Variants in PACRG observed in about 807,000 individuals in gnomAD.
PACRG encodes the protein parkin coregulated.
A neutral mutation model predicts 29.7 loss-of-function variants in PACRG; 29 were observed. That is an observed-to-expected ratio of 0.98 (90% CI 0.73 to 1.33). The LOEUF (loss-of-function observed/expected upper bound fraction) is 1.33. Ranked by LOEUF, PACRG falls within the 40% of genes most tolerant of loss-of-function variation. The pLI is 0.00. For synonymous variants in PACRG, 116 were observed against 118.7 expected (o/e 0.98, Z 0.15); for missense variants, 279 against 316.2 (o/e 0.88, Z 0.89).
At chr6:163,305,238 T>C (rs1273564608) in intron 4 of PACRG, among the ~76,000 whole-genome samples, 1 of 152,266 alleles carries the variant, frequency 6.6e-6, no homozygotes, top group Non-Finnish European at 1.5e-5. Context: ...ACTCTCCTAC[T>C]CTTCGTAGAG....
At position 163,269,885 on chromosome 6, in the gene PACRG, GAAAGAAAACAA is replaced by G. The variant is rs1562349599; in HGVS notation, c.614-44940_614-44930del. Among the ~76,000 whole-genome samples, 7 of 39,984 alleles carry G rather than the reference GAAAGAAAACAA, an allele frequency of 1.8e-4. 2 individuals carry two copies. Among genetic ancestry groups the G allele is most frequent in the East Asian group, 1.2e-3 (2 of 1,686 alleles). 26.2% of individuals were successfully genotyped at this position (39,984 alleles called of 152,430 possible). ...AAAGAAAGAGAAAGAAAGAAAGAAA[GAAAGAAAACAA>G]AGAAAGAAAGAAAGAAAGAAAGAAA... On this transcript the variant is annotated intron_variant, in intron 4 of 4. Transcript: ENST00000366888.
chr6:163,135,282 C>T (rs1339904582), intron 4 of PACRG, among the ~76,000 whole-genome samples: 1 of 151,640 alleles, frequency 6.6e-6, no homozygotes, highest in Non-Finnish European at 1.5e-5. Flanking sequence ...TCCACCTCCT[C>T]GGTTCAAGCG....
intron 2 of PACRG, among the ~76,000 whole-genome samples, chr6:162,862,184 G>T (rs2128442507): frequency 6.6e-6 from 1 of 152,302 alleles, no homozygotes; most frequent in Non-Finnish European, 1.5e-5. Context: ...GATTTAGAAG[G>T]CAGGATTCAG....
At chr6:163,191,967 G>GTTTAAAAAATA in intron 4 of PACRG, 1 of 321,710 alleles carries the variant, frequency 3.1e-6, no homozygotes, top group Admixed American at 4.1e-5. Context: ...GCTATCTACG[G>GTTTAAAAAATA]GGAAGCACCG....
chr6:162,829,145 G>T (rs2128389623), intron 2 of PACRG, among the ~76,000 whole-genome samples: 1 of 152,274 alleles, frequency 6.6e-6, no homozygotes, highest in African/African-American at 2.4e-5. Flanking sequence ...ATCGTTACTA[G>T]TGAGCAGATT....
intron 2 of PACRG, among the ~76,000 whole-genome samples, chr6:162,953,059 G>T (rs974740040): frequency 6.6e-6 from 1 of 152,028 alleles, no homozygotes; most frequent in Non-Finnish European, 1.5e-5. Flanking sequence ...CTATTATTTA[G>T]CTATTTTTTA....
chr6:162,907,692 A>G (rs1003520479), intron 2 of PACRG, among the ~76,000 whole-genome samples: 1 of 152,108 alleles, frequency 6.6e-6, no homozygotes, highest in Non-Finnish European at 1.5e-5. Flanking sequence ...AAAGAGCTAC[A>G]TTATTTTATA....
intron 4 of PACRG, among the ~76,000 whole-genome samples, chr6:163,108,616 T>C (rs1268578584): frequency 1.3e-5 from 2 of 151,966 alleles, no homozygotes; most frequent in African/African-American, 4.8e-5. Flanking sequence ...CTCGAACTCC[T>C]GGCCTCAAGT....
chr6:162,780,159 G>C lies in PACRG; in HGVS notation c.157-33988G>C, dbSNP rs558611648. Among the ~76,000 whole-genome samples the C allele has an allele frequency of 7.9e-5, 12 of 152,278 alleles. No homozygotes were observed. In the South Asian group the frequency reaches 2.5e-3, roughly 32 times the overall value. Reference sequence around the variant, plus strand: ...CCTAAAATAGTAAGGTGGAACAGGGGTCAAGGCTCAACAAAGTAAGAAATA... The same window carrying C: ...CCTAAAATAGTAAGGTGGAACAGGGCTCAAGGCTCAACAAAGTAAGAAATA... On this transcript the variant is annotated intron_variant, in intron 1 of 4. Coordinates refer to ENST00000366888, the MANE Select transcript of PACRG (RefSeq NM_001080379.2).
At position 163,239,776 on chromosome 6, in the gene PACRG, C is replaced by A. The variant is rs533111652; in HGVS notation, c.614-75051C>A. Among the ~76,000 whole-genome samples, 447 of 145,052 alleles carry A rather than the reference C, an allele frequency of 3.1e-3. 1 individual carries two copies. The highest frequency in any genetic ancestry group is 0.01 in the African/African-American group (411 of 39,156). ...TGCACACACACTCACACCTCCACCC[C>A]CACACACACACACACTCACACATTC... On this transcript the variant is annotated intron_variant, in intron 4 of 4. Transcript: ENST00000366888.
chr6:163,222,822 G>A (rs1000457286), intron 4 of PACRG, among the ~76,000 whole-genome samples: 2 of 152,226 alleles, frequency 1.3e-5, no homozygotes, highest in African/African-American at 4.8e-5. Context: ...AAATTACTGG[G>A]TCCAAACTGC....
intron 4 of PACRG, among the ~76,000 whole-genome samples, chr6:163,109,316 C>T (rs995931493): frequency 4.6e-5 from 7 of 152,194 alleles, no homozygotes. Flanking sequence ...TTGCCAGCTG[C>T]CCCTACTATG....
intron 2 of PACRG, among the ~76,000 whole-genome samples, chr6:162,830,538 C>T (rs374174463): frequency 2.0e-5 from 3 of 152,362 alleles, no homozygotes; most frequent in South Asian, 2.1e-4. Context: ...TCCCCAGGGA[C>T]ACAGTGATGT....
At chr6:163,010,167 G>C (rs1339239342) in intron 2 of PACRG, among the ~76,000 whole-genome samples, 1 of 152,190 alleles carries the variant, frequency 6.6e-6, no homozygotes, top group Non-Finnish European at 1.5e-5. Context: ...CGACTGTAAA[G>C]TGATCCACTA....
chr6:163,147,408 G>A (rs944657405), intron 4 of PACRG, among the ~76,000 whole-genome samples: 1 of 152,004 alleles, frequency 6.6e-6, no homozygotes, highest in Non-Finnish European at 1.5e-5. Context: ...ATATAAGCAG[G>A]GTTGCCATGC....
intron 4 of PACRG, among the ~76,000 whole-genome samples, chr6:163,235,367 A>T (rs962699296): frequency 1.4e-4 from 22 of 152,198 alleles, no homozygotes; most frequent in African/African-American, 5.1e-4. Flanking sequence ...TAATTTCTCA[A>T]TTTCCCCATT....
In PACRG at chr6:163,269,834, A is replaced by G. The variant is rs376204173; in HGVS notation, c.614-44993A>G. Among the ~76,000 whole-genome samples, 64 of 47,906 alleles carry G rather than the reference A, an allele frequency of 1.3e-3. 2 individuals carry two copies. The highest frequency in any genetic ancestry group is 4.9e-3 in the African/African-American group (48 of 9,758). The allele number at this position is 47,906 out of a possible 152,430, so 31.4% of individuals were successfully genotyped here. ...GAAGGAAGGAAGGAGAAAGAAAGAAAGAAAAAGAAAGAAAGAAAGAAAGAG... is the reference window on the plus strand; with the variant it reads ...GAAGGAAGGAAGGAGAAAGAAAGAAGGAAAAAGAAAGAAAGAAAGAAAGAG... On this transcript the variant is annotated intron_variant, in intron 4 of 4. Coordinates refer to ENST00000366888, the MANE Select transcript of PACRG (RefSeq NM_001080379.2).
At chr6:162,730,732 T>C (rs1163881799) in intron 1 of PACRG, among the ~76,000 whole-genome samples, 3 of 152,130 alleles carry the variant, frequency 2.0e-5, no homozygotes, top group South Asian at 4.1e-4. Flanking sequence ...AACTAGACTT[T>C]CTTTCCATGA....
At chr6:163,006,105 A>G (rs1385530845) in intron 2 of PACRG, among the ~76,000 whole-genome samples, 1 of 142,426 alleles carries the variant, frequency 7.0e-6, no homozygotes, top group East Asian at 2.0e-4. Flanking sequence ...ATAATATATA[A>G]TATATAGAAA....
Sources: allele counts gnomAD v4.1 joint callset (sites outside exome capture counted in the v4.1 genomes callset), GRCh38; gene constraint gnomAD v4.1.1; transcripts MANE v1.5; gene names NCBI Gene and HGNC (gene_info 2026-07-23, HGNC 2026-07-21).